PRDX4: variants seen among roughly 807,000 people sequenced by gnomAD.
PRDX4 encodes peroxiredoxin-4.
Under a neutral mutation model 20.5 loss-of-function variants are expected in PRDX4, and 12 were observed. That is an observed-to-expected ratio of 0.58 (90% CI 0.37 to 0.95). The LOEUF is 0.95. PRDX4 is among the 40% of genes least tolerant of loss of function. The probability of loss-of-function intolerance (pLI) is 0.01; values close to 1 mark genes in which losing one functional copy is unlikely to be tolerated. For synonymous variants in PRDX4, 99 were observed against 87.5 expected, an observed-to-expected ratio of 1.13 and a Z score of -0.73; for missense variants, 180 against 207.3, an observed-to-expected ratio of 0.87 and a Z score of 0.81.
intron 1 of PRDX4, among the ~76,000 whole-genome samples, chrX:23,669,618 T>TTAAAAAAGAACGGA (rs1422610950): frequency 9.0e-6 from 1 of 111,694 alleles, no homozygotes; most frequent in Non-Finnish European, 1.9e-5. Flanking sequence ...AAATTTGTGT[T>TTAAAAAAGAACGGA]TAAAAAAGAA....
intron 6 of PRDX4, among the ~76,000 whole-genome samples, chrX:23,684,689 A>T (rs1356467698): frequency 9.1e-6 from 1 of 110,109 alleles, no homozygotes; most frequent in Non-Finnish European, 1.9e-5. Context: ...TTTGGTAGAG[A>T]CAGGGTTTCA....
intron 3 of PRDX4, among the ~76,000 whole-genome samples, chrX:23,677,200 G>T: frequency 9.0e-6 from 1 of 111,488 alleles, no homozygotes; most frequent in Non-Finnish European, 1.9e-5. Flanking sequence ...ACATCAACCA[G>T]AAATTTCTAC....
In PRDX4 at chrX:23,678,964, T is replaced by C. The variant is rs753129303; in HGVS notation, c.477-201T>C. Among the ~76,000 whole-genome samples, 4 of 111,893 alleles carry C rather than the reference T, an allele frequency of 3.6e-5. No individual in the cohort carries two copies. The South Asian group carries it at 1.5e-3, about 41-fold the overall frequency. On this transcript the variant is annotated intron_variant, in intron 3 of 6. Coordinates refer to ENST00000379341, the MANE Select transcript of PRDX4 (RefSeq NM_006406.2). ...AAAAACATAAAATAAAAATGTGTTG[T>C]GTATATATATTTTTAATGTTTAAAG...
intron 2 of PRDX4, among the ~76,000 whole-genome samples, chrX:23,672,595 G>T (rs1047541006): frequency 8.9e-6 from 1 of 112,179 alleles, no homozygotes; most frequent in African/African-American, 3.2e-5. Flanking sequence ...ATTCATGAAA[G>T]TGAGAAGAGA....
chrX:23,667,513 C>A lies in PRDX4; in HGVS notation c.-58C>A. 1 of 1,126,022 alleles carries A rather than the reference C, an allele frequency of 8.9e-7. No homozygotes were observed. The highest frequency in any genetic ancestry group is 3.3e-5 in the East Asian group (1 of 30,600). 92.8% of individuals were successfully genotyped at this position (1,126,022 alleles called of 1,213,427 possible). On this transcript the variant is annotated 5_prime_UTR_variant, in exon 1 of 7. Coordinates refer to ENST00000379341, the MANE Select transcript of PRDX4 (RefSeq NM_006406.2). ...GCGTCGTGCACGCGGTTGTAGCTGCCCGGCGGCGGCAGAAGCGGCGCTCGC... is the reference window on the plus strand; with the variant it reads ...GCGTCGTGCACGCGGTTGTAGCTGCACGGCGGCGGCAGAAGCGGCGCTCGC...
In PRDX4 at chrX:23,678,695, G is replaced by C. The variant is rs192684749; in HGVS notation, c.477-470G>C. On this transcript the variant is annotated intron_variant, in intron 3 of 6. Transcript: ENST00000379341. ...CACGGCTATAATCCCAGCACTTTGGGAGGGTGAAGCAGGAGGATTGCTTGA... is the reference window on the plus strand; with the variant it reads ...CACGGCTATAATCCCAGCACTTTGGCAGGGTGAAGCAGGAGGATTGCTTGA... 5.3e-4 allele frequency among the ~76,000 whole-genome samples: 59 copies of C among 111,414 alleles called. No homozygotes were observed. In the Middle Eastern group the frequency reaches 0.014, roughly 26 times the overall value.
At chrX:23,674,043 C>T (rs980585482) in intron 2 of PRDX4, among the ~76,000 whole-genome samples, 6 of 110,755 alleles carry the variant, frequency 5.4e-5, no homozygotes, top group Admixed American at 9.8e-5. Context: ...CATATATATA[C>T]GGTAACATTC....
At chrX:23,683,938 C>T (rs905024510) in intron 6 of PRDX4, among the ~76,000 whole-genome samples, 3 of 103,842 alleles carry the variant, frequency 2.9e-5, no homozygotes, top group South Asian at 4.5e-4. Flanking sequence ...GTCCCAGCTA[C>T]TCGGGAGGCT....
chrX:23,673,435 C>A (rs1927882564), intron 2 of PRDX4, among the ~76,000 whole-genome samples: 1 of 112,426 alleles, frequency 8.9e-6, no homozygotes, highest in African/African-American at 3.2e-5. Context: ...AAATGTATCT[C>A]TAGGTAGCAT....
rs568865999 is a variant in PRDX4, at chrX:23,682,825, C to CAAAA, written c.730+325_730+328dup. 1.7e-3 allele frequency among the ~76,000 whole-genome samples: 16 copies of CAAAA among 9,582 alleles called. 1 individual carries two copies. The highest frequency in any genetic ancestry group is 3.6e-3 in the Admixed American group (1 of 276). 8.3% of individuals were successfully genotyped at this position (9,582 alleles called of 115,157 possible). A position where few individuals can be genotyped will look rare whatever the true frequency, so the allele number is the denominator to read the frequency against. ...GTGAAACCTCACCTCTACTAAAAAT[C>CAAAA]AAAAAAAAAAAAAAAAAAAAAAAAA... On this transcript the variant is annotated intron_variant, in intron 5 of 6. Coordinates refer to ENST00000379341, the MANE Select transcript of PRDX4 (RefSeq NM_006406.2).
intron 2 of PRDX4, among the ~76,000 whole-genome samples, chrX:23,672,484 A>G (rs948476059): frequency 8.9e-6 from 1 of 111,751 alleles, no homozygotes; most frequent in African/African-American, 3.3e-5. Flanking sequence ...GCGTTTTTGT[A>G]TATGGTCAGA....
At chrX:23,684,905 C>G (rs900541598) in intron 6 of PRDX4, among the ~76,000 whole-genome samples, 1 of 112,274 alleles carries the variant, frequency 8.9e-6, no homozygotes, top group Non-Finnish European at 1.9e-5. Flanking sequence ...CTAATAAATA[C>G]TGCCTATCAT....
In PRDX4 at chrX:23,667,775, G is replaced by T; in HGVS notation, c.205G>T (p.Val69Phe). The T allele has an allele frequency of 8.3e-7, 1 of 1,211,586 alleles. No homozygotes were observed. The highest frequency in any genetic ancestry group is 1.1e-6 in the Non-Finnish European group (1 of 895,415). The change falls in exon 1 of 7, where the codon GTC becomes TTC. Residue 69 changes from valine to phenylalanine, a missense_variant. Physicochemically the swap from Val to Phe is conservative, Grantham distance 50. Transcript: ENST00000379341. The part of the protein sequence containing the change: ...VYPGEASRVS[V>F]ADHSLHLSKA... ...CCCGGGAGAGGCATCCCGGGTATCG[G>T]TCGCCGACCACTCCCTGCACCTAAG...
chrX:23,678,854 G>A (rs1928002360), intron 3 of PRDX4, among the ~76,000 whole-genome samples: 1 of 110,813 alleles, frequency 9.0e-6, no homozygotes, highest in Non-Finnish European at 1.9e-5. Flanking sequence ...CAAGAGGATC[G>A]CTTGAGCCTA....
chrX:23,676,329 A>G (rs993072271), intron 3 of PRDX4, among the ~76,000 whole-genome samples: 3 of 110,956 alleles, frequency 2.7e-5, no homozygotes, highest in African/African-American at 9.8e-5. Flanking sequence ...ATTAATTCCC[A>G]TAAGTATTTT....
intron 6 of PRDX4, chrX:23,686,037 A>C (rs2146797230): frequency 2.2e-6 from 1 of 445,134 alleles, no homozygotes; most frequent in East Asian, 4.8e-5. Flanking sequence ...CCTGGTGGCC[A>C]AGAGAGAGCT....
chrX:23,684,871 C>T (rs1255560316), intron 6 of PRDX4, among the ~76,000 whole-genome samples: 1 of 112,016 alleles, frequency 8.9e-6, no homozygotes, highest in Non-Finnish European at 1.9e-5. Flanking sequence ...ACTCCAAGGG[C>T]AGGGACTTTG....
intron 3 of PRDX4, 106 bp downstream of exon 3, chrX:23,675,212 C>CAATT: frequency 8.5e-7 from 1 of 1,175,044 alleles, no homozygotes; most frequent in Non-Finnish European, 1.1e-6. Context: ...ATTTATCAGA[C>CAATT]AATTCAGGAA....
intron 2 of PRDX4, among the ~76,000 whole-genome samples, chrX:23,673,442 G>C (rs1927882704): frequency 8.9e-6 from 1 of 112,413 alleles, no homozygotes; most frequent in African/African-American, 3.2e-5. Context: ...TCTCTAGGTA[G>C]CATTCCTTGA....
Sources: allele counts gnomAD v4.1 joint callset (sites outside exome capture counted in the v4.1 genomes callset), GRCh38; gene constraint gnomAD v4.1.1; transcripts MANE v1.5; gene names NCBI Gene and HGNC (gene_info 2026-07-23, HGNC 2026-07-21).